Variants in PTK2 observed in about 807,000 individuals in gnomAD.
The protein encoded by PTK2 is protein tyrosine kinase 2, also known as focal adhesion kinase 1.
In PTK2, 45 loss-of-function variants were observed where a neutral mutation model predicts 150.1. The observed-to-expected ratio is 0.30, with a 90% confidence interval of 0.24 to 0.38. The LOEUF (loss-of-function observed/expected upper bound fraction) is 0.38. PTK2 is among the 10% of genes least tolerant of loss of function. The probability of loss-of-function intolerance (pLI) is 1.00; values close to 1 mark genes in which losing one functional copy is unlikely to be tolerated. For synonymous variants in PTK2, 432 were observed against 449.2 expected, an observed-to-expected ratio of 0.96 and a Z score of 0.48; for missense variants, 919 against 1,307.3, an observed-to-expected ratio of 0.70 and a Z score of 4.58.
chr8:140,725,701 A>C (rs1044326897), intron 22 of PTK2, among the ~76,000 whole-genome samples: 2 of 152,228 alleles, frequency 1.3e-5, no homozygotes, highest in African/African-American at 2.4e-5. Context: ...AGAATCATGC[A>C]CACACAGTGC....
chr8:140,829,242 T>A (rs1472955041), intron 8 of PTK2, among the ~76,000 whole-genome samples: 1 of 152,050 alleles, frequency 6.6e-6, no homozygotes, highest in Non-Finnish European at 1.5e-5. Context: ...TATATCTATT[T>A]TTCCCATTAG....
intron 8 of PTK2, among the ~76,000 whole-genome samples, chr8:140,826,708 A>T (rs1455694001): frequency 5.3e-5 from 8 of 152,118 alleles, no homozygotes. Context: ...TTAAGTCAGG[A>T]GTTTGAGACC....
At chr8:140,854,172 ATTAT>A (rs2100131108) in intron 5 of PTK2, among the ~76,000 whole-genome samples, 1 of 152,198 alleles carries the variant, frequency 6.6e-6, no homozygotes, top group South Asian at 2.1e-4. Flanking sequence ...GAAACCACTG[ATTAT>A]TTAATGTCAT....
At position 140,968,244 on chromosome 8, in the gene PTK2, C is replaced by A. The variant is rs549957714; in HGVS notation, c.-122+32881G>T. Among the ~76,000 whole-genome samples the A allele has an allele frequency of 5.9e-5, 9 of 152,206 alleles. No individual in the cohort carries two copies. The South Asian group carries it at 1.9e-3, about 32-fold the overall frequency. On this transcript the variant is annotated intron_variant, in intron 1 of 31. Transcript: ENST00000522684. ...TAACTTGCCCATTTTGTATGCATAG[C>A]AAATGACGAATATAAACTGTTTTCC...
chr8:140,711,376 G>A (rs184115876), intron 23 of PTK2, among the ~76,000 whole-genome samples: 1 of 152,134 alleles, frequency 6.6e-6, no homozygotes. Context: ...CAAAGTGCTG[G>A]GGTTACAGGC....
chr8:140,890,656 G>C (rs759434032), exon 3 of PTK2: 1 of 1,614,084 alleles, frequency 6.2e-7, no homozygotes, highest in Non-Finnish European at 8.5e-7. Context: ...CCAGGAGAAC[G>C]TTCCATACCA....
intron 29 of PTK2, 51 bp from the exon 34 acceptor site, chr8:140,668,475 G>C (rs760850862): frequency 1.3e-6 from 2 of 1,554,074 alleles, no homozygotes; most frequent in African/African-American, 1.4e-5. Flanking sequence ...GATGGCGTGA[G>C]ATCACCACAA....
intron 7 of PTK2, among the ~76,000 whole-genome samples, chr8:140,837,383 C>T (rs1452964116): frequency 6.6e-6 from 1 of 152,204 alleles, no homozygotes; most frequent in Non-Finnish European, 1.5e-5. Flanking sequence ...GTATTTGTCA[C>T]ACTCTCAGAA....
At chr8:140,681,648 G>A (rs1456219425) in intron 27 of PTK2, among the ~76,000 whole-genome samples, 1 of 152,152 alleles carries the variant, frequency 6.6e-6, no homozygotes. Flanking sequence ...GTGGTGGCGG[G>A]CGCCTGTAGT....
chr8:140,721,075 ATT>A (rs796241112), intron 22 of PTK2, among the ~76,000 whole-genome samples: 2 of 143,834 alleles, frequency 1.4e-5, no homozygotes. Context: ...TTCTTTCTTT[ATT>A]TTTTTTTTTT....
intron 17 of PTK2, among the ~76,000 whole-genome samples, chr8:140,749,782 T>C (rs1379358408): frequency 1.3e-5 from 2 of 152,208 alleles, no homozygotes; most frequent in Admixed American, 1.3e-4. Context: ...GAAGTTTAGA[T>C]ACACTACATC....
At chr8:140,740,089 G>C (rs1009897101) in intron 20 of PTK2, among the ~76,000 whole-genome samples, 4 of 152,148 alleles carry the variant, frequency 2.6e-5, no homozygotes, top group Non-Finnish European at 4.4e-5. Context: ...CCCTTTTCAG[G>C]CCTAAACGTT....
At chr8:140,710,984 C>G (rs577492133) in intron 23 of PTK2, among the ~76,000 whole-genome samples, 1 of 152,364 alleles carries the variant, frequency 6.6e-6, no homozygotes, top group East Asian at 1.9e-4. Flanking sequence ...GTCGCCTAGG[C>G]TGGAGTGCAG....
intron 30 of PTK2, among the ~76,000 whole-genome samples, chr8:140,666,049 T>C (rs1026480100): frequency 3.3e-5 from 5 of 152,132 alleles, no homozygotes; most frequent in Non-Finnish European, 5.9e-5. Context: ...TAAAAAACAG[T>C]TGTAGGGGCC....
intron 20 of PTK2, among the ~76,000 whole-genome samples, chr8:140,742,764 C>G (rs912624508): frequency 2.6e-5 from 4 of 152,168 alleles, no homozygotes; most frequent in African/African-American, 9.7e-5. Context: ...ATAGCTTTGT[C>G]AGATACGTGT....
At chr8:140,936,862 T>TG (rs2100173817) in intron 1 of PTK2, among the ~76,000 whole-genome samples, 1 of 120,354 alleles carries the variant, frequency 8.3e-6, no homozygotes, top group African/African-American at 2.5e-5. Flanking sequence ...CTAGAGAACA[T>TG]CTTTTTTTTT....
At chr8:140,991,998 A>C (rs2100195871) in intron 1 of PTK2, among the ~76,000 whole-genome samples, 3 of 152,086 alleles carry the variant, frequency 2.0e-5, no homozygotes, top group African/African-American at 7.2e-5. Context: ...AACAAAAAAA[A>C]ATGAAACAAC....
chr8:140,908,317 C>T (rs543768509), intron 2 of PTK2, among the ~76,000 whole-genome samples: 1 of 152,224 alleles, frequency 6.6e-6, no homozygotes, highest in African/African-American at 2.4e-5. Flanking sequence ...GAGGTTGGTT[C>T]ATAAGGTTGA....
chr8:140,998,614 C>G (rs1336547435), intron 1 of PTK2, among the ~76,000 whole-genome samples: 1 of 151,776 alleles, frequency 6.6e-6, no homozygotes, highest in African/African-American at 2.4e-5. Context: ...GTCAGGAGAT[C>G]GAGACCACCC....
Sources: gnomAD v4.1 joint callset for allele counts (sites outside exome capture counted in the v4.1 genomes callset) on GRCh38, gnomAD v4.1.1 for gene constraint, MANE v1.5 for transcripts, NCBI Gene and HGNC (gene_info 2026-07-23, HGNC 2026-07-21) for gene names.